FBXO47: variants seen among roughly 807,000 people sequenced by gnomAD.
FBXO47 encodes F-box protein 47, also known as F-box only protein 47.
FBXO47 carries 34 observed loss-of-function variants against 53.9 expected under a neutral mutation model. The ratio of observed to expected loss-of-function variants is 0.63; its 90% CI spans 0.48 to 0.84. FBXO47 has a LOEUF of 0.84. Ranked by LOEUF, FBXO47 falls within the 40% of genes least tolerant of loss-of-function variation. The pLI is 0.00. For synonymous variants in FBXO47, 165 were observed against 181.6 expected, an observed-to-expected ratio of 0.91 and a Z score of 0.73; for missense variants, 485 against 541.3, an observed-to-expected ratio of 0.90 and a Z score of 1.03.
intron 3 of FBXO47, among the ~76,000 whole-genome samples, chr17:38,958,784 G>T (rs1905679043): frequency 6.6e-6 from 1 of 151,964 alleles, no homozygotes; most frequent in Non-Finnish European, 1.5e-5. Context: ...CTATGTTTGA[G>T]TAACACATGA....
rs1357836541 is a variant in FBXO47 at position 38,967,378 on chromosome 17, TA to T, written c.-177del. 1.3e-5 allele frequency: 2 copies of T among 152,124 alleles called. No homozygotes were observed. The highest frequency in any genetic ancestry group is 2.9e-5 in the Non-Finnish European group (2 of 68,034). The allele number at this position is 152,124 out of a possible 1,614,324, so 9.4% of individuals were successfully genotyped here. On this transcript the variant is annotated 5_prime_UTR_variant, in exon 1 of 11. Coordinates refer to ENST00000378079, the MANE Select transcript of FBXO47 (RefSeq NM_001008777.3). ...AGGAGGCGAGAGGGTCACACTCCCGTAGGCTCCGGAGCTGCAGCCCTACCCA... is the reference window on the plus strand; with the variant it reads ...AGGAGGCGAGAGGGTCACACTCCCGTGGCTCCGGAGCTGCAGCCCTACCCA...
At chr17:38,954,005 A>G (rs1905432502) in intron 5 of FBXO47, among the ~76,000 whole-genome samples, 1 of 151,988 alleles carries the variant, frequency 6.6e-6, no homozygotes, top group Admixed American at 6.6e-5. Flanking sequence ...ATTAGTTAAT[A>G]CATGTTGTCG....
chr17:38,943,989 C>T (rs904623047), intron 7 of FBXO47, among the ~76,000 whole-genome samples: 2 of 150,516 alleles, frequency 1.3e-5, no homozygotes, highest in Non-Finnish European at 3.0e-5. Flanking sequence ...GTACGGAGTT[C>T]GAGACCAGCC....
At chr17:38,941,620 TTATATATATATA>T (rs3040090) in intron 9 of FBXO47, among the ~76,000 whole-genome samples, 46 of 115,186 alleles carry the variant, frequency 4.0e-4, no homozygotes, top group African/African-American at 1.1e-3. Context: ...AAATATAATA[TTATATATATATA>T]TATATATATA....
chr17:38,942,549 G>A (rs1185820444), intron 9 of FBXO47, among the ~76,000 whole-genome samples: 4 of 152,024 alleles, frequency 2.6e-5, no homozygotes, highest in Admixed American at 2.0e-4. Context: ...AGCCGAGATC[G>A]CACCACTGCA....
chr17:38,937,071 T>C lies in FBXO47; in HGVS notation c.*104A>G. The C allele has an allele frequency of 2.1e-6, 1 of 469,242 alleles. No individual in the cohort carries two copies. Among genetic ancestry groups the C allele is most frequent in the East Asian group, 3.4e-5 (1 of 29,492 alleles). The allele number at this position is 469,242 out of a possible 1,614,324, so 29.1% of individuals were successfully genotyped here. On this transcript the variant is annotated 3_prime_UTR_variant, in exon 11 of 11. Coordinates refer to ENST00000378079, the MANE Select transcript of FBXO47 (RefSeq NM_001008777.3). ...CCAGCTTTTGAATTCTTAGGTTACT[T>C]AGATGATAAAAAGTCCCATGGATGC...
intron 5 of FBXO47, among the ~76,000 whole-genome samples, chr17:38,953,442 T>C (rs968123597): frequency 2.6e-5 from 4 of 151,992 alleles, no homozygotes; most frequent in Non-Finnish European, 5.9e-5. Flanking sequence ...CTGACCAACA[T>C]GGCGAAACCT....
rs1364268050 is a variant in FBXO47, at chr17:38,945,014, C to T, written c.739G>A (p.Val247Met). The T allele has an allele frequency of 6.2e-7, 1 of 1,614,048 alleles. No individual in the cohort carries two copies. Among genetic ancestry groups the T allele is most frequent in the Non-Finnish European group, 8.5e-7 (1 of 1,179,996 alleles). Residue 247 changes from valine (V) to methionine (M), a missense_variant, in exon 7 of 11, where the codon GTG becomes ATG. Physicochemically the swap from Val to Met is conservative, Grantham distance 21. Transcript: ENST00000378079. The stretch of plus-strand genomic sequence containing the variant: ...ATATACAGTAATCTTGCCTGATTCA[C>T]CATTGGCCATGGTTTTAATATTCGC... Reference protein sequence around the residue: ...LTRILKPWPMVNQARLLYIIF... With the variant: ...LTRILKPWPMMNQARLLYIIF...
At chr17:38,948,055 C>A (rs1905028059) in intron 6 of FBXO47, among the ~76,000 whole-genome samples, 1 of 152,016 alleles carries the variant, frequency 6.6e-6, no homozygotes. Flanking sequence ...TATGTGCAGC[C>A]ATCACCACAG....
chr17:38,953,081 A>G (rs944070223), intron 5 of FBXO47, among the ~76,000 whole-genome samples: 18 of 149,862 alleles, frequency 1.2e-4, no homozygotes, highest in African/African-American at 4.4e-4. Flanking sequence ...GTTTGAAACC[A>G]GCCTGGCCAA....
intron 4 of FBXO47, among the ~76,000 whole-genome samples, chr17:38,956,676 T>C (rs988787778): frequency 3.3e-5 from 5 of 151,268 alleles, no homozygotes; most frequent in African/African-American, 7.3e-5. Flanking sequence ...GAGTTGGACA[T>C]ATGCTTGGAT....
chr17:38,950,967 C>T (rs1223341846), intron 6 of FBXO47, among the ~76,000 whole-genome samples: 1 of 152,016 alleles, frequency 6.6e-6, no homozygotes, highest in Non-Finnish European at 1.5e-5. Context: ...GTTACTTGAT[C>T]TTGGCTCACT....
chr17:38,937,046 C>T lies in FBXO47; in HGVS notation c.*129G>A, dbSNP rs1218024750. ...TACGTAGTTGCTTCTAAAATTCTAT[C>T]CAGCTTTTGAATTCTTAGGTTACTT... On this transcript the variant is annotated 3_prime_UTR_variant, in exon 11 of 11. Transcript: ENST00000378079. The T allele has an allele frequency of 1.1e-5, 5 of 452,648 alleles. No individual in the cohort carries two copies. Among genetic ancestry groups the T allele is most frequent in the Non-Finnish European group, 2.0e-5 (5 of 252,972 alleles). The allele number at this position is 452,648 out of a possible 1,614,324, so 28.0% of individuals were successfully genotyped here.
intron 5 of FBXO47, among the ~76,000 whole-genome samples, chr17:38,953,883 G>A (rs939088965): frequency 5.3e-5 from 8 of 152,136 alleles, no homozygotes; most frequent in African/African-American, 1.7e-4. Flanking sequence ...AGACTAGTAG[G>A]AGGGCTTAGA....
chr17:38,957,035 A>G, intron 4 of FBXO47, 142 bp downstream of exon 4: 1 of 527,652 alleles, frequency 1.9e-6, no homozygotes. Context: ...AGTACTTGGT[A>G]AAGTATTAGA....
intron 6 of FBXO47, among the ~76,000 whole-genome samples, chr17:38,946,887 TATATATAAAC>T (rs1448373979): frequency 3.1e-4 from 35 of 113,652 alleles, no homozygotes; most frequent in Non-Finnish European, 4.5e-4. Context: ...TATATAAATA[TATATATAAAC>T]ATATATAAAT....
chr17:38,942,241 G>A (rs1312474760), intron 9 of FBXO47, among the ~76,000 whole-genome samples: 1 of 151,962 alleles, frequency 6.6e-6, no homozygotes, highest in East Asian at 1.9e-4. Flanking sequence ...TGAAAATCCA[G>A]ACTTGAAGTG....
intron 6 of FBXO47, among the ~76,000 whole-genome samples, chr17:38,945,854 T>C (rs958335033): frequency 2.7e-5 from 4 of 149,096 alleles, no homozygotes; most frequent in Admixed American, 6.9e-5. Context: ...GAGAATGGCG[T>C]TAACCCGGGA....
At chr17:38,947,833 C>T (rs1216418954) in intron 6 of FBXO47, among the ~76,000 whole-genome samples, 1 of 152,110 alleles carries the variant, frequency 6.6e-6, no homozygotes, top group Admixed American at 6.6e-5. Context: ...TGGGTGTGAA[C>T]CCGGGAGGCA....
Sources: gnomAD v4.1 joint callset for allele counts (sites outside exome capture counted in the v4.1 genomes callset) on GRCh38, gnomAD v4.1.1 for gene constraint, MANE v1.5 for transcripts, NCBI Gene and HGNC (gene_info 2026-07-23, HGNC 2026-07-21) for gene names.